The following FSTL4 variants were observed in gnomAD, a reference collection of about 807,000 sequenced individuals.
FSTL4 encodes follistatin like 4, also known as follistatin-related protein 4.
Under a neutral mutation model 78.2 loss-of-function variants are expected in FSTL4, and 28 were observed. The observed-to-expected ratio is 0.36, with a 90% CI of 0.27 to 0.49. The LOEUF (loss-of-function observed/expected upper bound fraction) is 0.49. Ranked by LOEUF, FSTL4 falls within the 20% of genes least tolerant of loss-of-function variation. The pLI is 0.98. For synonymous variants in FSTL4, 422 were observed against 440.5 expected (o/e 0.96, Z 0.53); for missense variants, 922 against 1,084.9 (o/e 0.85, Z 2.11).
intron 3 of FSTL4, among the ~76,000 whole-genome samples, chr5:133,536,435 T>C (rs1759351115): frequency 6.6e-6 from 1 of 152,218 alleles, no homozygotes; most frequent in South Asian, 2.1e-4. Flanking sequence ...TTTAAATATT[T>C]GTTTAGTATG....
the FSTL4 span, among the ~76,000 whole-genome samples, chr5:133,804,941 T>TG: frequency 1.0e-4 from 1 of 9,866 alleles, no homozygotes; most frequent in Non-Finnish European, 2.2e-4. Flanking sequence ...AGACTCCGTC[T>TG]CAAAAAAAAA....
chr5:133,255,491 G>T (rs563276383), intron 6 of FSTL4, among the ~76,000 whole-genome samples: 13 of 152,202 alleles, frequency 8.5e-5, no homozygotes, highest in Non-Finnish European at 1.8e-4. Flanking sequence ...AGTGTGGGTT[G>T]GTTGGCACAA....
At chr5:133,721,762 CTT>C in the FSTL4 span, among the ~76,000 whole-genome samples, 2 of 152,110 alleles carry the variant, frequency 1.3e-5, no homozygotes, top group African/African-American at 2.4e-5. Context: ...GAGAGGACCT[CTT>C]TGGGCTATAT....
chr5:133,347,634 T>C (rs1185764312), intron 4 of FSTL4, among the ~76,000 whole-genome samples: 2 of 152,182 alleles, frequency 1.3e-5, no homozygotes, highest in African/African-American at 4.8e-5. Context: ...GCTGCGATTA[T>C]AGGCATGAGC....
At chr5:133,358,725 G>A (rs934661546) in intron 4 of FSTL4, among the ~76,000 whole-genome samples, 13 of 150,656 alleles carry the variant, frequency 8.6e-5, no homozygotes, top group African/African-American at 3.2e-4. Context: ...TCAGCCTCCT[G>A]AGTAGCTGGG....
intron 3 of FSTL4, among the ~76,000 whole-genome samples, chr5:133,506,363 T>C (rs1206620497): frequency 1.2e-4 from 19 of 152,084 alleles, no homozygotes; most frequent in Admixed American, 1.2e-3. Context: ...TATTAAGCCA[T>C]TATTAGCTTC....
chr5:133,288,909 A>G (rs927189027), intron 6 of FSTL4, among the ~76,000 whole-genome samples: 1 of 152,146 alleles, frequency 6.6e-6, no homozygotes, highest in South Asian at 2.1e-4. Context: ...CTTTCTACAA[A>G]GACTGAGGTG....
At chr5:133,269,687 C>T (rs1409079292) in intron 6 of FSTL4, among the ~76,000 whole-genome samples, 2 of 152,196 alleles carry the variant, frequency 1.3e-5, no homozygotes, top group Admixed American at 6.5e-5. Context: ...TTTGTCTGCT[C>T]CATGTAAGGG....
At chr5:133,336,249 G>T (rs1754460129) in intron 4 of FSTL4, among the ~76,000 whole-genome samples, 1 of 152,230 alleles carries the variant, frequency 6.6e-6, no homozygotes, top group African/African-American at 2.4e-5. Context: ...GGTGGGGTGG[G>T]GAATGAGCAC....
At chr5:133,460,329 C>T (rs1757568508) in intron 3 of FSTL4, among the ~76,000 whole-genome samples, 1 of 152,142 alleles carries the variant, frequency 6.6e-6, no homozygotes, top group East Asian at 1.9e-4. Flanking sequence ...AACCAAGCCA[C>T]CGGGGGGATG....
the FSTL4 span, among the ~76,000 whole-genome samples, chr5:133,725,479 T>G: frequency 3.3e-5 from 5 of 152,226 alleles, no homozygotes; most frequent in African/African-American, 1.2e-4. Context: ...GAGGAATGTC[T>G]TTCAGATACA....
intron 2 of FSTL4, among the ~76,000 whole-genome samples, chr5:133,571,914 A>C (rs187857727): frequency 1.3e-5 from 2 of 152,328 alleles, no homozygotes; most frequent in African/African-American, 4.8e-5. Flanking sequence ...CATCATGAAG[A>C]GTTCTAACAA....
intron 12 of FSTL4, among the ~76,000 whole-genome samples, chr5:133,218,583 C>A (rs4958104): frequency 0.27 from 40,522 of 152,110 alleles, 6,044 homozygotes; most frequent in East Asian, 0.42. Context: ...CACCCTACTC[C>A]ATGCCATGGG....
chr5:133,536,164 G>T (rs968154778), intron 3 of FSTL4, among the ~76,000 whole-genome samples: 2 of 152,206 alleles, frequency 1.3e-5, no homozygotes, highest in Non-Finnish European at 2.9e-5. Context: ...TATAAAAGTA[G>T]TATCTGTTTA....
the FSTL4 span, among the ~76,000 whole-genome samples, chr5:133,758,893 T>C: frequency 6.6e-6 from 1 of 152,216 alleles, no homozygotes; most frequent in Non-Finnish European, 1.5e-5. Flanking sequence ...AGACCTCAGT[T>C]CTTCATAGAG....
At chr5:133,815,234 C>G in the FSTL4 span, among the ~76,000 whole-genome samples, 1 of 152,132 alleles carries the variant, frequency 6.6e-6, no homozygotes. Context: ...AGGGGTCTTG[C>G]AGGGAATAAC....
At chr5:133,592,538 T>C (rs1309105337) in intron 2 of FSTL4, among the ~76,000 whole-genome samples, 2 of 152,188 alleles carry the variant, frequency 1.3e-5, no homozygotes, top group Non-Finnish European at 2.9e-5. Context: ...ACTGGTGCTA[T>C]GGTTTGGATG....
the FSTL4 span, among the ~76,000 whole-genome samples, chr5:133,622,818 T>A: frequency 1.3e-5 from 2 of 152,160 alleles, no homozygotes; most frequent in African/African-American, 4.8e-5. Flanking sequence ...TCTTTGTTGG[T>A]GTGGTTTAGA....
At chr5:133,332,214 C>G (rs1221075430) in intron 4 of FSTL4, among the ~76,000 whole-genome samples, 1 of 152,212 alleles carries the variant, frequency 6.6e-6, no homozygotes, top group Admixed American at 6.5e-5. Flanking sequence ...TGCTCACTCC[C>G]TGAACACCGG....
Sources: allele counts gnomAD v4.1 joint callset (sites outside exome capture counted in the v4.1 genomes callset), GRCh38; gene constraint gnomAD v4.1.1; transcripts MANE v1.5; gene names NCBI Gene and HGNC (gene_info 2026-07-23, HGNC 2026-07-21).